Variants in PDE1A observed in about 807,000 individuals in gnomAD.
The protein encoded by PDE1A is phosphodiesterase 1A, also known as dual specificity calcium/calmodulin-dependent 3',5'-cyclic nucleotide phosphodiesterase 1A.
In PDE1A, 35 loss-of-function variants were observed where a neutral mutation model predicts 61.7. That is an observed-to-expected ratio of 0.57 (90% CI 0.43 to 0.75). PDE1A has a LOEUF of 0.75. Among genes scored for constraint, PDE1A ranks in the 30% least tolerant of loss-of-function variants. The pLI is 0.00. For missense variants in PDE1A, 597 were observed against 630.6 expected (o/e 0.95, Z 0.57); for synonymous variants, 232 against 213.2 (o/e 1.09, Z -0.77).
the PDE1A span, among the ~76,000 whole-genome samples, chr2:182,555,604 T>C: frequency 6.6e-6 from 1 of 152,182 alleles, no homozygotes; most frequent in African/African-American, 2.4e-5. Context: ...GCCCAGAACA[T>C]ATTCTCAGAA....
At chr2:182,206,107 G>C (rs1253503932) in intron 7 of PDE1A, 42 bp from the exon 8 acceptor site, 1 of 1,561,844 alleles carries the variant, frequency 6.4e-7, no homozygotes, top group African/African-American at 1.4e-5. Flanking sequence ...GATTTCTTTA[G>C]ACATCATGAA....
rs111377205 is a variant in PDE1A at position 182,231,711 on chromosome 2, C to T, written c.418-580G>A. 3.2e-3 allele frequency among the ~76,000 whole-genome samples: 483 copies of T among 152,010 alleles called. 5 individuals are homozygous for T. Among genetic ancestry groups the T allele is most frequent in the African/African-American group, 0.011 (468 of 41,454 alleles). On this transcript the variant is annotated intron_variant, in intron 4 of 13. Coordinates refer to ENST00000351439, the Ensembl canonical transcript of PDE1A. ...TGGGCCAATCACGAGGTCAGGAGTT[C>T]GAGGCCAGCCTGACCAACATAGTGA...
At chr2:182,570,736 T>A in the PDE1A span, among the ~76,000 whole-genome samples, 2 of 152,186 alleles carry the variant, frequency 1.3e-5, no homozygotes, top group Admixed American at 6.5e-5. Flanking sequence ...TGTCCTTCAG[T>A]CATTAATACC....
At chr2:182,315,961 C>T (rs1242682496) in intron 1 of PDE1A, among the ~76,000 whole-genome samples, 1 of 152,180 alleles carries the variant, frequency 6.6e-6, no homozygotes, top group Non-Finnish European at 1.5e-5. Flanking sequence ...AAGCTCTGTT[C>T]ACAAGTGGCT....
At chr2:182,201,870 C>T (rs1559176623) in intron 8 of PDE1A, 81 bp from the exon 9 acceptor site, 2 of 852,364 alleles carry the variant, frequency 2.3e-6, no homozygotes, top group East Asian at 4.9e-5. Context: ...TAATCACTCA[C>T]CATGTTTTAT....
chr2:182,232,398 T>A (rs1689655946), intron 4 of PDE1A, among the ~76,000 whole-genome samples: 1 of 152,184 alleles, frequency 6.6e-6, no homozygotes, highest in African/African-American at 2.4e-5. Flanking sequence ...TCTATTTGAG[T>A]AGGCACGTTT....
rs1207422592 is a variant in PDE1A at position 182,231,002 on chromosome 2, C to T, written c.534+13G>A. 1.6e-6 allele frequency: 2 copies of T among 1,278,364 alleles called. No individual in the cohort carries two copies. The highest frequency in any genetic ancestry group is 2.4e-5 in the East Asian group (1 of 42,438). The allele number at this position is 1,278,364 out of a possible 1,614,324, so 79.2% of individuals were successfully genotyped here. A position where few individuals can be genotyped will look rare whatever the true frequency, so the allele number is the denominator to read the frequency against. On this transcript the variant is annotated intron_variant, in intron 5 of 13. Transcript: ENST00000351439. ...ATTCTAAGAGCATTTCACTTTTGTT[C>T]CATGTTTCTGACCTTGAAACGGTTG...
At chr2:182,310,978 C>T (rs1393802562) in intron 1 of PDE1A, among the ~76,000 whole-genome samples, 1 of 152,188 alleles carries the variant, frequency 6.6e-6, no homozygotes, top group East Asian at 1.9e-4. Context: ...ATCTTTCTTC[C>T]CCTGTCTCCA....
intron 2 of PDE1A, among the ~76,000 whole-genome samples, chr2:182,470,385 A>G (rs1004158820): frequency 5.9e-5 from 9 of 151,914 alleles, no homozygotes; most frequent in Non-Finnish European, 1.3e-4. Flanking sequence ...GCTTTCTAGC[A>G]TTCTAAATGT....
At chr2:182,335,730 T>C (rs1318995605) in intron 1 of PDE1A, among the ~76,000 whole-genome samples, 1 of 151,958 alleles carries the variant, frequency 6.6e-6, no homozygotes, top group African/African-American at 2.4e-5. Flanking sequence ...GAGTAAAACA[T>C]CAAAAGCAAT....
chr2:182,209,032 G>A (rs1687354529), intron 7 of PDE1A, among the ~76,000 whole-genome samples: 1 of 152,126 alleles, frequency 6.6e-6, no homozygotes, highest in Admixed American at 6.5e-5. Flanking sequence ...GGCATGATTG[G>A]TTTTTTGAAA....
At chr2:182,162,116 G>A (rs933208464) in intron 13 of PDE1A, among the ~76,000 whole-genome samples, 1 of 152,196 alleles carries the variant, frequency 6.6e-6, no homozygotes, top group Non-Finnish European at 1.5e-5. Context: ...ATAAATTTGT[G>A]AGGGGAGCAC....
At chr2:182,181,811 G>C (rs115329132) in intron 13 of PDE1A, among the ~76,000 whole-genome samples, 1 of 152,232 alleles carries the variant, frequency 6.6e-6, no homozygotes, top group Admixed American at 6.5e-5. Context: ...GGACACAGCC[G>C]CTTTGCTGTG....
chr2:182,463,459 C>CT (rs896701086), intron 2 of PDE1A: 13 of 152,230 alleles, frequency 8.5e-5, no homozygotes, highest in African/African-American at 3.1e-4. Context: ...CAAGCCCACT[C>CT]TGATTTAAAC....
intron 1 of PDE1A, among the ~76,000 whole-genome samples, chr2:182,407,004 G>A (rs1702335734): frequency 6.6e-6 from 1 of 152,004 alleles, no homozygotes; most frequent in African/African-American, 2.4e-5. Context: ...AGAGAGTATA[G>A]CGAGATTTAT....
chr2:182,146,484 G>T (rs1033578447), downstream of PDE1A, among the ~76,000 whole-genome samples: 1 of 151,758 alleles, frequency 6.6e-6, no homozygotes, highest in African/African-American at 2.4e-5. Flanking sequence ...ATTTATTATT[G>T]TTATTATTAT....
chr2:182,527,319 AAAAAAAAAATATATATATAT>A (rs1559543367), upstream of PDE1A, among the ~76,000 whole-genome samples: 3 of 48,368 alleles, frequency 6.2e-5, no homozygotes, highest in African/African-American at 9.2e-5. Flanking sequence ...AAAAAAAAAA[AAAAAAAAAATATATATATAT>A]ATATATATAT....
At chr2:182,650,474 C>T in the PDE1A span, among the ~76,000 whole-genome samples, 1 of 152,098 alleles carries the variant, frequency 6.6e-6, no homozygotes, top group South Asian at 2.1e-4. Context: ...CTACTATAAC[C>T]TAGGAATGAG....
intron 1 of PDE1A, among the ~76,000 whole-genome samples, chr2:182,356,287 C>A (rs900496167): frequency 6.6e-6 from 1 of 151,656 alleles, no homozygotes; most frequent in African/African-American, 2.4e-5. Context: ...TTTAGTAGCA[C>A]AAGTCTAGTT....
Sources: gnomAD v4.1 joint callset for allele counts (sites outside exome capture counted in the v4.1 genomes callset) on GRCh38, gnomAD v4.1.1 for gene constraint, MANE v1.5 for transcripts, NCBI Gene and HGNC (gene_info 2026-07-23, HGNC 2026-07-21) for gene names.